Variants in MYO5B observed in about 807,000 individuals in gnomAD.
MYO5B encodes the protein myosin VB.
Under a neutral mutation model 229.3 loss-of-function variants are expected in MYO5B, and 143 were observed. The ratio of observed to expected loss-of-function variants is 0.62; its 90% confidence interval spans 0.54 to 0.72. The LOEUF (loss-of-function observed/expected upper bound fraction) is 0.72, where lower values mean the gene tolerates loss of function less well. Among genes scored for constraint, MYO5B ranks in the 30% least tolerant of loss-of-function variants. The probability of loss-of-function intolerance (pLI) is 0.00; values close to 1 mark genes in which losing one functional copy is unlikely to be tolerated. For missense variants in MYO5B, 2,321 were observed against 2,331.0 expected (o/e 1.00, Z 0.09); for synonymous variants, 918 against 885.2 (o/e 1.04, Z -0.66).
intron 1 of MYO5B, chr18:50,097,131 C>T: frequency 2.3e-6 from 1 of 429,092 alleles, no homozygotes; most frequent in Non-Finnish European, 4.8e-6. Context: ...CCCTATCTTT[C>T]TTCTCAAATC....
At chr18:50,040,024 G>C in intron 3 of MYO5B, 119 bp downstream of exon 3, 1 of 1,157,984 alleles carries the variant, frequency 8.6e-7, no homozygotes, top group Non-Finnish European at 1.3e-6. Flanking sequence ...AAGGGTCTCA[G>C]TGGAGAGATA....
intron 10 of MYO5B, among the ~76,000 whole-genome samples, chr18:49,971,750 G>T (rs1192099450): frequency 6.6e-6 from 1 of 152,210 alleles, no homozygotes; most frequent in South Asian, 2.1e-4. Context: ...CAGCTAGCTT[G>T]TTCACTCTGA....
chr18:49,852,191 G>A (rs1436042596), intron 31 of MYO5B, among the ~76,000 whole-genome samples: 3 of 152,222 alleles, frequency 2.0e-5, no homozygotes, highest in African/African-American at 7.2e-5. Context: ...TTGGTGTGCC[G>A]TGAGCTAACG....
intron 28 of MYO5B, 79 bp downstream of exon 28, chr18:49,864,062 T>C: frequency 6.3e-7 from 1 of 1,581,760 alleles, no homozygotes; most frequent in Non-Finnish European, 8.6e-7. Flanking sequence ...CCCTCGTGGG[T>C]AAAGATAATT....
At chr18:49,921,561 C>T (rs545873826) in intron 17 of MYO5B, among the ~76,000 whole-genome samples, 1 of 152,282 alleles carries the variant, frequency 6.6e-6, no homozygotes, top group South Asian at 2.1e-4. Context: ...AAATCAGACT[C>T]ACAGAGAGCC....
intron 4 of MYO5B, among the ~76,000 whole-genome samples, chr18:50,028,169 T>C (rs1365060889): frequency 2.6e-5 from 4 of 152,340 alleles, no homozygotes; most frequent in African/African-American, 9.6e-5. Context: ...ACTTTAAATA[T>C]GTGTAGTTTA....
intron 4 of MYO5B, among the ~76,000 whole-genome samples, chr18:50,006,998 A>G (rs1394762841): frequency 6.6e-6 from 1 of 152,208 alleles, no homozygotes; most frequent in Non-Finnish European, 1.5e-5. Flanking sequence ...AAAGCTCCAG[A>G]GGCTTCACTC....
intron 24 of MYO5B, among the ~76,000 whole-genome samples, chr18:49,878,536 A>G (rs1394352470): frequency 1.3e-5 from 2 of 152,158 alleles, no homozygotes; most frequent in African/African-American, 4.8e-5. Flanking sequence ...ATATCATAAA[A>G]TTGTCTCTAT....
intron 1 of MYO5B, among the ~76,000 whole-genome samples, chr18:50,091,409 C>T (rs1225399656): frequency 6.6e-6 from 1 of 152,256 alleles, no homozygotes; most frequent in East Asian, 1.9e-4. Context: ...TATTTGCATA[C>T]CCATCCTTGC....
At chr18:49,927,276 T>A (rs1449682804) in intron 17 of MYO5B, among the ~76,000 whole-genome samples, 1 of 151,764 alleles carries the variant, frequency 6.6e-6, no homozygotes, top group Non-Finnish European at 1.5e-5. Flanking sequence ...GAATCAATAT[T>A]GTGAAAATGA....
chr18:49,823,759 T>A lies in MYO5B; in HGVS notation c.*2712A>T, dbSNP rs1410166333. The stretch of plus-strand genomic sequence containing the variant: ...ACTATGAGGGCACAGGGAAAATGCA[T>A]GTATGTAATATGCTTGTCAGCTTCA... On this transcript the variant is annotated 3_prime_UTR_variant, in exon 40 of 40. Transcript: ENST00000285039. The A allele has an allele frequency of 6.6e-6, 1 of 152,316 alleles. No homozygotes were observed. The highest frequency in any genetic ancestry group is 2.4e-5 in the African/African-American group (1 of 41,454). The allele number at this position is 152,316 out of a possible 1,614,324, so 9.4% of individuals were successfully genotyped here.
At chr18:49,922,019 G>A (rs890935372) in intron 17 of MYO5B, among the ~76,000 whole-genome samples, 18 of 152,200 alleles carry the variant, frequency 1.2e-4, no homozygotes, top group African/African-American at 4.3e-4. Context: ...TCACTTCGCT[G>A]TGTTGAGTTT....
At chr18:50,032,708 G>A (rs887867730) in intron 4 of MYO5B, among the ~76,000 whole-genome samples, 30 of 152,168 alleles carry the variant, frequency 2.0e-4, no homozygotes, top group African/African-American at 5.6e-4. Flanking sequence ...TTCTCAGGCC[G>A]GGCATGGAGG....
chr18:50,008,777 C>CAAATCATCTGAAGAT (rs1403706497), intron 4 of MYO5B, among the ~76,000 whole-genome samples: 2 of 152,176 alleles, frequency 1.3e-5, no homozygotes, highest in African/African-American at 4.8e-5. Flanking sequence ...TCCTCTGTGA[C>CAAATCATCTGAAGAT]AAATCATCTG....
chr18:50,156,096 A>G (rs1245275966), intron 1 of MYO5B, among the ~76,000 whole-genome samples: 1 of 152,236 alleles, frequency 6.6e-6, no homozygotes, highest in Non-Finnish European at 1.5e-5. Context: ...TCAATTAACC[A>G]CAACCCAACT....
At chr18:49,924,762 A>G (rs2025111071) in intron 17 of MYO5B, among the ~76,000 whole-genome samples, 1 of 152,204 alleles carries the variant, frequency 6.6e-6, no homozygotes, top group Non-Finnish European at 1.5e-5. Context: ...ACCACCAACC[A>G]GGCTGGTAAT....
intron 25 of MYO5B, 30 bp downstream of exon 25, chr18:49,877,732 AG>A: frequency 6.2e-7 from 1 of 1,613,416 alleles, no homozygotes; most frequent in Non-Finnish European, 8.5e-7. Flanking sequence ...CCTCTGGAGG[AG>A]GACAGTACCC....
intron 14 of MYO5B, among the ~76,000 whole-genome samples, chr18:49,940,643 C>G (rs1467589394): frequency 6.6e-6 from 1 of 152,190 alleles, no homozygotes; most frequent in Non-Finnish European, 1.5e-5. Context: ...TCTGACGACT[C>G]TGGTATTTTT....
intron 1 of MYO5B, among the ~76,000 whole-genome samples, chr18:50,083,550 C>A (rs540279514): frequency 1.3e-5 from 2 of 152,306 alleles, no homozygotes; most frequent in African/African-American, 4.8e-5. Flanking sequence ...AGGACAAAGA[C>A]CCAAATATAC....
Sources: allele counts gnomAD v4.1 joint callset (sites outside exome capture counted in the v4.1 genomes callset), GRCh38; gene constraint gnomAD v4.1.1; transcripts MANE v1.5; gene names NCBI Gene and HGNC (gene_info 2026-07-23, HGNC 2026-07-21).